The following PRH1 variants were observed in gnomAD, a reference collection of about 807,000 sequenced individuals.
PRH1 encodes the protein proline rich protein HaeIII subfamily 1, also known as salivary acidic proline-rich phosphoprotein 1/2.
Under a neutral mutation model 7.9 loss-of-function variants are expected in PRH1, and 7 were observed. The ratio of observed to expected loss-of-function variants is 0.89; its 90% confidence interval spans 0.50 to 1.67. PRH1 has a LOEUF of 1.67. Among genes scored for constraint, PRH1 ranks in the 40% most tolerant of loss-of-function variants. The probability of loss-of-function intolerance (pLI) is 0.00; values close to 1 mark genes in which losing one functional copy is unlikely to be tolerated. For synonymous variants in PRH1, 45 were observed against 80.8 expected, an observed-to-expected ratio of 0.56 and a Z score of 2.38; for missense variants, 109 against 223.6, an observed-to-expected ratio of 0.49 and a Z score of 3.27.
At chr12:11,012,747 G>C (rs1439492703) in intron 1 of PRH1, among the ~76,000 whole-genome samples, 1 of 151,958 alleles carries the variant, frequency 6.6e-6, no homozygotes, top group African/African-American at 2.4e-5. Flanking sequence ...TTGTAGAAAT[G>C]GGGTCTCCCT....
intron 1 of PRH1, among the ~76,000 whole-genome samples, chr12:11,158,156 C>T (rs1191042126): frequency 6.6e-6 from 1 of 151,880 alleles, no homozygotes; most frequent in African/African-American, 2.4e-5. Context: ...TTCATATGGA[C>T]ATATCCATTT....
chr12:11,109,030 T>A (rs1945512067), intron 1 of PRH1, among the ~76,000 whole-genome samples: 1 of 152,196 alleles, frequency 6.6e-6, no homozygotes, highest in African/African-American at 2.4e-5. Context: ...ATTTTCCCCT[T>A]ACGGTGTAAA....
intron 1 of PRH1, among the ~76,000 whole-genome samples, chr12:10,993,457 A>G (rs1215978656): frequency 1.3e-5 from 2 of 152,208 alleles, no homozygotes; most frequent in Non-Finnish European, 2.9e-5. Context: ...AGAACTAAAT[A>G]CCAGAAGAAG....
At chr12:10,936,742 A>C (rs1460762997) in intron 2 of PRH1, among the ~76,000 whole-genome samples, 1 of 152,112 alleles carries the variant, frequency 6.6e-6, no homozygotes, top group Non-Finnish European at 1.5e-5. Flanking sequence ...TAAAGACACC[A>C]GTCCTATTGT....
At chr12:10,999,853 G>C (rs553656417) in intron 1 of PRH1, among the ~76,000 whole-genome samples, 1 of 152,000 alleles carries the variant, frequency 6.6e-6, no homozygotes, top group Non-Finnish European at 1.5e-5. Flanking sequence ...TCTTGCACTA[G>C]ATATCATGTT....
At chr12:11,097,525 G>A (rs1010122081) in intron 1 of PRH1, among the ~76,000 whole-genome samples, 1 of 114,108 alleles carries the variant, frequency 8.8e-6, no homozygotes, top group Non-Finnish European at 2.1e-5. Flanking sequence ...ATTCACTGAC[G>A]GTCATCCATA....
At chr12:11,005,165 A>C (rs1320338075) in intron 1 of PRH1, among the ~76,000 whole-genome samples, 3 of 152,174 alleles carry the variant, frequency 2.0e-5, no homozygotes, top group Non-Finnish European at 4.4e-5. Context: ...GTCTTTATGG[A>C]AAACATGATA....
intron 2 of PRH1, chr12:10,896,991 C>T (rs902919996): frequency 4.6e-5 from 7 of 152,012 alleles, no homozygotes; most frequent in Non-Finnish European, 8.8e-5. Context: ...AGTCCTAAGC[C>T]ACATGTAAGT....
At chr12:11,141,163 T>A (rs1269043196) in intron 1 of PRH1, among the ~76,000 whole-genome samples, 1 of 152,204 alleles carries the variant, frequency 6.6e-6, no homozygotes, top group Non-Finnish European at 1.5e-5. Context: ...ATAGCCCTAT[T>A]TTCCCATTTG....
rs541695289 is a variant in PRH1, at chr12:11,151,943, T to G, written n.39+19479A>C. Among the ~76,000 whole-genome samples the G allele has an allele frequency of 5.4e-4, 82 of 152,230 alleles. 2 individuals carry two copies. The South Asian group carries it at 0.017, about 31-fold the overall frequency. On this transcript the variant is annotated intron_variant and non_coding_transcript_variant, in intron 1 of 1. Transcript: ENST00000541175. The stretch of plus-strand genomic sequence containing the variant: ...AGCATTTCTTTGGTATGTCATATTT[T>G]TTTTTTCATGATGGTAGCCAGATCT...
chr12:11,083,932 CTGCTGGGACA>C (rs1345586781), intron 1 of PRH1, among the ~76,000 whole-genome samples: 10 of 119,122 alleles, frequency 8.4e-5, no homozygotes, highest in African/African-American at 8.4e-5. Flanking sequence ...CTAGTTGGTT[CTGCTGGGACA>C]ATTAAGTTCC....
intron 1 of PRH1, chr12:11,077,840 C>T: frequency 9.8e-7 from 1 of 1,025,312 alleles, no homozygotes; most frequent in South Asian, 1.2e-5. Context: ...ACCAAGGGAC[C>T]CAACAGTATC....
chr12:11,104,690 C>G (rs924443464), intron 1 of PRH1, among the ~76,000 whole-genome samples: 2 of 145,632 alleles, frequency 1.4e-5, no homozygotes, highest in African/African-American at 5.1e-5. Flanking sequence ...AGTGTAAATA[C>G]TTGATCTTAG....
chr12:10,975,514 C>T (rs892644326), intron 1 of PRH1, among the ~76,000 whole-genome samples: 5 of 152,042 alleles, frequency 3.3e-5, no homozygotes, highest in African/African-American at 1.2e-4. Context: ...CCACACAACC[C>T]AATCTGCATA....
At chr12:10,920,534 A>AT (rs1950031677) in intron 2 of PRH1, among the ~76,000 whole-genome samples, 2 of 152,058 alleles carry the variant, frequency 1.3e-5, no homozygotes, top group Non-Finnish European at 2.9e-5. Flanking sequence ...AAGAAAGGGA[A>AT]TTTTTTTAAT....
chr12:10,911,329 T>C (rs1048941975), intron 2 of PRH1, among the ~76,000 whole-genome samples: 1 of 152,166 alleles, frequency 6.6e-6, no homozygotes, highest in African/African-American at 2.4e-5. Context: ...AGAGAATGGA[T>C]AACAGGCTTG....
At chr12:11,131,886 T>A (rs192128833) in intron 1 of PRH1, among the ~76,000 whole-genome samples, 84 of 152,298 alleles carry the variant, frequency 5.5e-4, no homozygotes, top group Non-Finnish European at 4.6e-4. Flanking sequence ...TATCCACCCA[T>A]TTATTTGTTC....
At chr12:11,111,709 T>C (rs758424452) in intron 1 of PRH1, among the ~76,000 whole-genome samples, 1 of 152,180 alleles carries the variant, frequency 6.6e-6, no homozygotes, top group Admixed American at 6.5e-5. Flanking sequence ...GGGAAAGATC[T>C]AAAGTTGACA....
At chr12:11,002,392 A>T (rs527444379) in intron 1 of PRH1, among the ~76,000 whole-genome samples, 15 of 152,206 alleles carry the variant, frequency 9.9e-5, no homozygotes, top group African/African-American at 3.4e-4. Context: ...ACAGTATTTC[A>T]TTAAGAATAA....
Sources: allele counts gnomAD v4.1 joint callset (sites outside exome capture counted in the v4.1 genomes callset), GRCh38; gene constraint gnomAD v4.1.1; transcripts MANE v1.5; gene names NCBI Gene and HGNC (gene_info 2026-07-23, HGNC 2026-07-21).